EYS: variants seen among roughly 807,000 people sequenced by gnomAD.
EYS encodes the protein EGF-like photoreceptor maintenance factor.
Under a neutral mutation model 282.1 loss-of-function variants are expected in EYS, and 250 were observed. The observed-to-expected ratio is 0.89, with a 90% CI of 0.80 to 0.98. The LOEUF is 0.98. EYS is among the 50% of genes least tolerant of loss of function. EYS has a pLI of 0.00. For synonymous variants in EYS, 1,355 were observed against 1,282.9 expected, an observed-to-expected ratio of 1.06 and a Z score of -1.20; for missense variants, 4,016 against 3,709.0, an observed-to-expected ratio of 1.08 and a Z score of -2.15.
At chr6:64,460,164 T>A (rs1728659718) in intron 26 of EYS, among the ~76,000 whole-genome samples, 1 of 152,168 alleles carries the variant, frequency 6.6e-6, no homozygotes, top group Non-Finnish European at 1.5e-5. Flanking sequence ...ATATATTGAA[T>A]GAGAAACTTT....
Position 64,635,494 on chromosome 6 carries a change from C to T in EYS, c.3444-9249G>A, listed in dbSNP as rs546239028. Among the ~76,000 whole-genome samples, 254 of 152,172 alleles carry T rather than the reference C, an allele frequency of 1.7e-3. 1 individual carries two copies. Among genetic ancestry groups the T allele is most frequent in the Admixed American group, 1.9e-3 (29 of 15,270 alleles). ...TAGCTCTTATTATTTTGAGATATGT[C>T]CCATCAATACCTAATTTATTGAGAG... is the stretch of plus-strand genomic sequence containing the variant. On this transcript the variant is annotated intron_variant, in intron 22 of 42. Coordinates refer to ENST00000503581, the MANE Select transcript of EYS (RefSeq NM_001142800.2).
chr6:64,850,828 G>T (rs559160796), intron 19 of EYS, among the ~76,000 whole-genome samples: 1 of 152,030 alleles, frequency 6.6e-6, no homozygotes, highest in Non-Finnish European at 1.5e-5. Context: ...GACTAGTTTT[G>T]TGGTAATAGA....
chr6:64,473,626 AT>A (rs1310523817), intron 26 of EYS, among the ~76,000 whole-genome samples: 1 of 152,190 alleles, frequency 6.6e-6, no homozygotes, highest in Admixed American at 6.5e-5. Context: ...CCGTGTGTCT[AT>A]TTCCAAATTA....
At chr6:65,297,719 C>A (rs145705429) in intron 11 of EYS, among the ~76,000 whole-genome samples, 1 of 152,098 alleles carries the variant, frequency 6.6e-6, no homozygotes, top group Non-Finnish European at 1.5e-5. Flanking sequence ...AAACACCCTT[C>A]CAACAAAGTT....
At chr6:65,602,111 A>C (rs1284190612) in intron 2 of EYS, among the ~76,000 whole-genome samples, 1 of 151,916 alleles carries the variant, frequency 6.6e-6, no homozygotes, top group African/African-American at 2.4e-5. Context: ...GGATATAATT[A>C]CATGTTTCTT....
chr6:65,248,447 C>T (rs955271971), intron 12 of EYS, among the ~76,000 whole-genome samples: 3 of 152,008 alleles, frequency 2.0e-5, no homozygotes, highest in African/African-American at 7.2e-5. Flanking sequence ...GAAGAAATGA[C>T]ATATGTCATA....
intron 31 of EYS, among the ~76,000 whole-genome samples, chr6:64,091,957 G>A (rs1222763999): frequency 1.3e-5 from 2 of 152,002 alleles, no homozygotes; most frequent in African/African-American, 4.8e-5. Context: ...GTGTCCATGT[G>A]TTCTCATTGT....
At chr6:64,890,212 A>G (rs544725475) in intron 18 of EYS, among the ~76,000 whole-genome samples, 10 of 152,254 alleles carry the variant, frequency 6.6e-5, no homozygotes, top group African/African-American at 2.2e-4. Flanking sequence ...ATAAGATGTT[A>G]TCAATGACAA....
chr6:64,848,359 G>A (rs9342436), intron 19 of EYS, among the ~76,000 whole-genome samples: 23,238 of 151,846 alleles, frequency 0.15, 2,018 homozygotes, highest in East Asian at 0.43. Context: ...ATATTTCAAT[G>A]GTTCCTCTTG....
intron 2 of EYS, among the ~76,000 whole-genome samples, chr6:65,532,172 T>C (rs1205636065): frequency 6.6e-6 from 1 of 152,126 alleles, no homozygotes; most frequent in Non-Finnish European, 1.5e-5. Flanking sequence ...CTCAACTACC[T>C]GCTAAATTAT....
intron 26 of EYS, among the ~76,000 whole-genome samples, chr6:64,473,583 A>C (rs1026481228): frequency 3.9e-5 from 6 of 152,220 alleles, no homozygotes; most frequent in African/African-American, 1.4e-4. Context: ...CAATTATGTC[A>C]GTTAAATTTC....
At chr6:64,237,437 A>T (rs934747060) in intron 30 of EYS, among the ~76,000 whole-genome samples, 1 of 152,088 alleles carries the variant, frequency 6.6e-6, no homozygotes, top group African/African-American at 2.4e-5. Context: ...TATTTAATAT[A>T]CCTATGTCTA....
chr6:65,539,894 T>C (rs931520866), intron 2 of EYS, among the ~76,000 whole-genome samples: 1 of 152,196 alleles, frequency 6.6e-6, no homozygotes, highest in East Asian at 1.9e-4. Flanking sequence ...TCCAACCAGA[T>C]GTGTAAGCTC....
intron 22 of EYS, among the ~76,000 whole-genome samples, chr6:64,744,749 ATTT>A (rs1048236994): frequency 6.6e-6 from 1 of 152,278 alleles, no homozygotes; most frequent in African/African-American, 2.4e-5. Flanking sequence ...TGATTGAGAA[ATTT>A]TTATCTCAGG....
At chr6:64,188,115 T>A (rs1765000120) in intron 31 of EYS, among the ~76,000 whole-genome samples, 2 of 152,114 alleles carry the variant, frequency 1.3e-5, no homozygotes, top group Admixed American at 1.3e-4. Context: ...ATTTTACTTA[T>A]TTTTACTTAC....
intron 29 of EYS, among the ~76,000 whole-genome samples, chr6:64,346,540 C>T (rs995521597): frequency 1.3e-4 from 19 of 150,706 alleles, no homozygotes; most frequent in Admixed American, 2.6e-4. Flanking sequence ...CATCACACAC[C>T]AGGGATTGTT....
chr6:63,773,983 C>T (rs1473006079), intron 40 of EYS, among the ~76,000 whole-genome samples: 2 of 152,052 alleles, frequency 1.3e-5, no homozygotes, highest in African/African-American at 4.8e-5. Flanking sequence ...TTAGGAAATC[C>T]TGAATCAATG....
intron 33 of EYS, among the ~76,000 whole-genome samples, chr6:64,020,425 C>T (rs1183490757): frequency 6.6e-6 from 1 of 151,990 alleles, no homozygotes; most frequent in Non-Finnish European, 1.5e-5. Flanking sequence ...CATTTGTTTA[C>T]TTAACTAAAA....
intron 2 of EYS, among the ~76,000 whole-genome samples, chr6:65,576,465 T>C (rs1764671733): frequency 1.3e-5 from 2 of 151,956 alleles, no homozygotes; most frequent in Admixed American, 1.3e-4. Flanking sequence ...AGCCCATAGC[T>C]AACATTATAC....
Sources: allele counts gnomAD v4.1 joint callset (sites outside exome capture counted in the v4.1 genomes callset), GRCh38; gene constraint gnomAD v4.1.1; transcripts MANE v1.5; gene names NCBI Gene and HGNC (gene_info 2026-07-23, HGNC 2026-07-21).